SPEN: variants seen among roughly 807,000 people sequenced by gnomAD.
The protein encoded by SPEN is spen family transcriptional repressor.
Under a neutral mutation model 269.9 loss-of-function variants are expected in SPEN, and 18 were observed. That is an observed-to-expected ratio of 0.07 (90% CI 0.05 to 0.10). The LOEUF (loss-of-function observed/expected upper bound fraction) is 0.10, where lower values mean the gene tolerates loss of function less well. SPEN is among the 10% of genes least tolerant of loss of function. The probability of loss-of-function intolerance (pLI) is 1.00; values close to 1 mark genes in which losing one functional copy is unlikely to be tolerated. For missense variants in SPEN, 3,822 were observed against 4,631.2 expected (o/e 0.83, Z 5.07); for synonymous variants, 1,726 against 1,765.7 (o/e 0.98, Z 0.56).
intron 3 of SPEN, among the ~76,000 whole-genome samples, chr1:15,889,986 A>T (rs2070773737): frequency 6.6e-6 from 1 of 152,184 alleles, no homozygotes; most frequent in Non-Finnish European, 1.5e-5. Context: ...AAGTGCTGGG[A>T]TTACAGGCAT....
intron 1 of SPEN, 147 bp from the exon 2 acceptor site, chr1:15,872,669 C>A: frequency 8.6e-6 from 4 of 464,486 alleles, no homozygotes; most frequent in Admixed American, 3.8e-5. Flanking sequence ...GAGAGAAAAA[C>A]GTTAAGTGTA....
At chr1:15,938,521 A>T in intron 13 of SPEN, 197 bp from the exon 14 acceptor site, 1 of 533,648 alleles carries the variant, frequency 1.9e-6, no homozygotes, top group Non-Finnish European at 3.2e-6. Flanking sequence ...ACAGTTTTTA[A>T]AAATTATTAT....
At position 15,933,692 on chromosome 1, in the gene SPEN, C is replaced by T. The variant is rs750219170; in HGVS notation, c.7452C>T (p.Val2484=). The T allele has an allele frequency of 2.0e-5, 33 of 1,614,020 alleles. 1 individual carries two copies. In the South Asian group the frequency reaches 2.3e-4, roughly 11 times the overall value. Residue 2484 remains valine, a synonymous_variant, in exon 11 of 15, where the codon GTC becomes GTT. Transcript: ENST00000375759. This position sits in a 1 kb window ranked among gnomAD's most constrained non-coding sequence, Gnocchi z 5.7. ...SVTAAKLSPP[V]ASGGIPHQSP... Reference sequence around the variant, plus strand: ...CTGCAGCAAAGCTCTCACCTCCTGTCGCCTCTGGGGGGATCCCACACCAGA... The same window carrying T: ...CTGCAGCAAAGCTCTCACCTCCTGTTGCCTCTGGGGGGATCCCACACCAGA...
chr1:15,929,142 C>A lies in SPEN; in HGVS notation c.2902C>A (p.Gln968Lys). 6.2e-7 allele frequency: 1 copy of A among 1,614,206 alleles called. No individual in the cohort carries two copies. Among genetic ancestry groups the A allele is most frequent in the Non-Finnish European group, 8.5e-7 (1 of 1,180,024 alleles). ...AGCCAGGAAGCACCTCAAGCCTGAG[C>A]AGCCTGCAGATGGGGTAAGTGCTGT... ...LKARKHLKPEQPADGVSAVDL... is the reference protein window; with the variant it reads ...LKARKHLKPEKPADGVSAVDL... The change falls in exon 11 of 15, where the codon CAG becomes AAG. Residue 968 changes from glutamine (Q) to lysine (K), a missense_variant. Transcript: ENST00000375759. The surrounding 1 kb of genome is among the most constrained non-coding windows in gnomAD (Gnocchi z 5.8).
chr1:15,876,851 C>T (rs748003241), intron 3 of SPEN, 173 bp downstream of exon 3: 14 of 599,378 alleles, frequency 2.3e-5, no homozygotes, highest in Non-Finnish European at 3.8e-5. Flanking sequence ...TCTAAGTACT[C>T]GAAGTTAAGT....
chr1:15,936,064 G>A lies in SPEN; in HGVS notation c.9824G>A (p.Ser3275Asn). The A allele has an allele frequency of 6.6e-7, 1 of 1,523,702 alleles. No individual in the cohort carries two copies. The highest frequency in any genetic ancestry group is 8.9e-7 in the Non-Finnish European group (1 of 1,124,556). 94.4% of individuals were successfully genotyped at this position (1,523,702 alleles called of 1,614,324 possible). Reference protein sequence around the residue: ...GEARILTVTPSNQLQGLPLTP... With the variant: ...GEARILTVTPNNQLQGLPLTP... The stretch of plus-strand genomic sequence containing the variant: ...GCCCGTATCCTCACAGTTACCCCCA[G>A]TAACCAACTCCAGGGGCTGCCTCTG... The change falls in exon 11 of 15, where the codon AGT (serine) becomes AAT (asparagine). Residue 3275 changes from serine (S) to asparagine (N), a missense_variant. Ser to Asn is a conservative substitution (Grantham distance 46). This residue lies in a region of SPEN where 359 missense variants were observed against 377.3 expected (regional missense o/e 0.95). Coordinates refer to ENST00000375759, the MANE Select transcript of SPEN (RefSeq NM_015001.3).
intron 3 of SPEN, among the ~76,000 whole-genome samples, chr1:15,899,906 C>T (rs796104378): frequency 7.9e-5 from 12 of 151,982 alleles, no homozygotes; most frequent in African/African-American, 2.4e-4. Context: ...AGTGTAATGG[C>T]GCTATCTCGG....
Position 15,891,906 on chromosome 1 carries a change from T to TTA in SPEN, c.881+15228_881+15229insTA, listed in dbSNP as rs570917029. ...TCAAGTTCTGGAGACCTGGTTTTTT[T>TTA]AAAAAAAAAAAACTTATTTATGTTG... On this transcript the variant is annotated intron_variant, in intron 3 of 14. Transcript: ENST00000375759. Among the ~76,000 whole-genome samples, 945 of 144,588 alleles carry TTA rather than the reference T, an allele frequency of 6.5e-3. 4 individuals are homozygous for TTA. Among genetic ancestry groups the TTA allele is most frequent in the Non-Finnish European group, 1.0e-2 (654 of 65,688 alleles). The allele number at this position is 144,588 out of a possible 152,430, so 94.9% of individuals were successfully genotyped here.
chr1:15,885,735 TTTTG>T (rs2070730802), intron 3 of SPEN, among the ~76,000 whole-genome samples: 1 of 152,236 alleles, frequency 6.6e-6, no homozygotes, highest in Non-Finnish European at 1.5e-5. Flanking sequence ...CTTAATGCTA[TTTTG>T]GTACTGTTTA....
At position 15,938,848 on chromosome 1, in the gene SPEN, TCAA is replaced by T. The variant is rs751493071; in HGVS notation, c.10837_10839del (p.Asn3613del). The T allele has an allele frequency of 1.2e-6, 2 of 1,614,058 alleles. No individual in the cohort carries two copies. The highest frequency in any genetic ancestry group is 1.7e-6 in the Non-Finnish European group (2 of 1,179,992). On this transcript the variant is annotated inframe_deletion, in exon 14 of 15. Transcript: ENST00000375759. ...CAGGCCAAGCAGGCGGCAGGGATCA[TCAA>T]CGTTCCCAACCCTGGCTCCAATCAG...
chr1:15,878,076 AAAGT>A (rs1269276408), intron 3 of SPEN, among the ~76,000 whole-genome samples: 1 of 152,090 alleles, frequency 6.6e-6, no homozygotes, highest in African/African-American at 2.4e-5. Flanking sequence ...GGACCTTAAT[AAAGT>A]TATTGTGAAA....
intron 9 of SPEN, among the ~76,000 whole-genome samples, chr1:15,921,548 C>T (rs1294899673): frequency 6.6e-6 from 1 of 152,182 alleles, no homozygotes; most frequent in Non-Finnish European, 1.5e-5. Flanking sequence ...TGTTCGGGTG[C>T]TGATGCTCAC....
At chr1:15,859,905 CTTTTTTTTTT>C (rs34195453) in intron 1 of SPEN, among the ~76,000 whole-genome samples, 13 of 79,632 alleles carry the variant, frequency 1.6e-4, no homozygotes, top group Admixed American at 3.9e-4. Flanking sequence ...CAGTTAACAT[CTTTTTTTTTT>C]TTTTTTTTTT....
At chr1:15,854,902 C>T (rs944685315) in intron 1 of SPEN, among the ~76,000 whole-genome samples, 3 of 151,986 alleles carry the variant, frequency 2.0e-5, no homozygotes, top group African/African-American at 7.3e-5. Flanking sequence ...GATTGTTCTC[C>T]CTACATGTAT....
intron 10 of SPEN, among the ~76,000 whole-genome samples, chr1:15,925,642 C>T (rs371837887): frequency 6.7e-6 from 1 of 150,182 alleles, no homozygotes; most frequent in East Asian, 1.9e-4. Context: ...TTGATCCTGC[C>T]AGTCTTGAAC....
Position 15,939,250 on chromosome 1 carries a change from G to C in SPEN, c.10864-46G>C. On this transcript the variant is annotated intron_variant, in intron 14 of 14. Transcript: ENST00000375759. This position sits in a 1 kb window ranked among gnomAD's most constrained non-coding sequence, Gnocchi z 4.1. Reference sequence around the variant, plus strand: ...GCTCCCCAATGGAAGTGGAGTTGTGGGGGTGAAGACAGACGGTCCCACTTT... The same window carrying C: ...GCTCCCCAATGGAAGTGGAGTTGTGCGGGTGAAGACAGACGGTCCCACTTT... 1 of 1,502,240 alleles carries C rather than the reference G, an allele frequency of 6.7e-7. No homozygotes were observed. The highest frequency in any genetic ancestry group is 8.9e-7 in the Non-Finnish European group (1 of 1,122,040). 93.1% of individuals were successfully genotyped at this position (1,502,240 alleles called of 1,614,324 possible). A position where few individuals can be genotyped will look rare whatever the true frequency, so the allele number is the denominator to read the frequency against.
chr1:15,909,060 A>T (rs894385687), intron 3 of SPEN, among the ~76,000 whole-genome samples: 18 of 152,276 alleles, frequency 1.2e-4, no homozygotes, highest in African/African-American at 4.1e-4. Context: ...TTGAAAAAAA[A>T]AAGTTCAAGT....
intron 3 of SPEN, among the ~76,000 whole-genome samples, chr1:15,892,115 G>A (rs1262263304): frequency 4.8e-5 from 7 of 146,064 alleles, no homozygotes; most frequent in African/African-American, 1.6e-4. Context: ...CCGCCTCCCC[G>A]GTTCACGTCA....
chr1:15,926,922 A>G (rs848207), intron 10 of SPEN, among the ~76,000 whole-genome samples: 91,280 of 151,814 alleles, frequency 0.6, 27,826 homozygotes, highest in Admixed American at 0.68. Context: ...TTGATCTCCT[A>G]ACCTCGTGAT....
Sources: allele counts gnomAD v4.1 joint callset (sites outside exome capture counted in the v4.1 genomes callset), GRCh38; gene constraint gnomAD v4.1.1; regional missense constraint gnomAD v4.1.1; non-coding constraint Gnocchi (gnomAD v3.1); transcripts MANE v1.5; gene names NCBI Gene and HGNC (gene_info 2026-07-23, HGNC 2026-07-21).